TMPRSS12: variants seen among roughly 807,000 people sequenced by gnomAD.
The protein encoded by TMPRSS12 is transmembrane serine protease 12.
In TMPRSS12, 25 loss-of-function variants were observed where a neutral mutation model predicts 26.0. The observed-to-expected ratio is 0.96, with a 90% CI of 0.70 to 1.34. TMPRSS12 has a LOEUF of 1.34. Among genes scored for constraint, TMPRSS12 ranks in the 40% most tolerant of loss-of-function variants. TMPRSS12 has a pLI of 0.00. For missense variants in TMPRSS12, 441 were observed against 440.1 expected, an observed-to-expected ratio of 1.00 and a Z score of -0.02; for synonymous variants, 150 against 161.7, an observed-to-expected ratio of 0.93 and a Z score of 0.55.
At chr12:50,885,149 C>T in intron 3 of TMPRSS12, 97 bp from the exon 4 acceptor site, 1 of 1,054,188 alleles carries the variant, frequency 9.5e-7, no homozygotes, top group Non-Finnish European at 1.4e-6. Flanking sequence ...ATAATTATTG[C>T]ATCAGTCACT....
At chr12:50,868,965 A>G (rs1399866999) in intron 3 of TMPRSS12, among the ~76,000 whole-genome samples, 1 of 152,156 alleles carries the variant, frequency 6.6e-6, no homozygotes, top group East Asian at 1.9e-4. Flanking sequence ...ATAATGAGGC[A>G]ACCTATCAAA....
At chr12:50,866,684 T>C (rs1182473015) in intron 3 of TMPRSS12, among the ~76,000 whole-genome samples, 1 of 151,978 alleles carries the variant, frequency 6.6e-6, no homozygotes, top group Non-Finnish European at 1.5e-5. Context: ...AGCACAAAAA[T>C]AGGACATTAA....
chr12:50,878,854 C>T (rs78649813), intron 3 of TMPRSS12, among the ~76,000 whole-genome samples: 2,424 of 152,242 alleles, frequency 0.016, 35 homozygotes, highest in Non-Finnish European at 0.026. Context: ...ATCCTCACTC[C>T]CAAGGTATGA....
chr12:50,884,291 C>T (rs1300223785), intron 3 of TMPRSS12, among the ~76,000 whole-genome samples: 1 of 152,108 alleles, frequency 6.6e-6, no homozygotes, highest in African/African-American at 2.4e-5. Flanking sequence ...GAAGAAGGTA[C>T]ACACACAACT....
chr12:50,859,791 G>A (rs1937917963), intron 3 of TMPRSS12, among the ~76,000 whole-genome samples: 1 of 152,186 alleles, frequency 6.6e-6, no homozygotes, highest in African/African-American at 2.4e-5. Context: ...GTGTGCAGCA[G>A]ACTATACCAT....
chr12:50,856,725 G>C (rs1332477436), intron 2 of TMPRSS12, among the ~76,000 whole-genome samples: 1 of 152,022 alleles, frequency 6.6e-6, no homozygotes, highest in Non-Finnish European at 1.5e-5. Flanking sequence ...TCACTCTGTT[G>C]CTCAGGCTTG....
chr12:50,842,979 C>T lies in TMPRSS12; in HGVS notation c.15C>T (p.Leu5=), dbSNP rs773415446. MRLG[L]LSVALLFVGS... ...CAGCCTCCAAAATGCGGCTGGGGCT[C>T]CTGAGCGTGGCGCTGTTGTTTGTGG... The change falls in exon 1 of 5, where the codon CTC becomes CTT. Residue 5 remains leucine (L), a synonymous_variant. Coordinates refer to ENST00000398458, the MANE Select transcript of TMPRSS12 (RefSeq NM_182559.3). 41 of 1,591,862 alleles carry T rather than the reference C, an allele frequency of 2.6e-5. No individual in the cohort carries two copies. Among genetic ancestry groups the T allele is most frequent in the Non-Finnish European group, 3.4e-5 (40 of 1,168,502 alleles).
chr12:50,846,157 AT>A (rs967766626), intron 2 of TMPRSS12, among the ~76,000 whole-genome samples: 17 of 152,042 alleles, frequency 1.1e-4, no homozygotes, highest in African/African-American at 3.9e-4. Flanking sequence ...AAATTTATCT[AT>A]TTTTTTTCTT....
chr12:50,847,656 G>A (rs973288468), intron 2 of TMPRSS12, among the ~76,000 whole-genome samples: 8 of 151,944 alleles, frequency 5.3e-5, no homozygotes, highest in Non-Finnish European at 1.0e-4. Context: ...AGCACTTTGG[G>A]AGGCTGAGGC....
chr12:50,883,257 G>C (rs1791601169), intron 3 of TMPRSS12, among the ~76,000 whole-genome samples: 1 of 152,212 alleles, frequency 6.6e-6, no homozygotes, highest in Non-Finnish European at 1.5e-5. Flanking sequence ...CATGAGCCCA[G>C]GAGGTTGAGG....
chr12:50,848,514 G>A (rs1221088396), intron 2 of TMPRSS12, among the ~76,000 whole-genome samples: 1 of 152,108 alleles, frequency 6.6e-6, no homozygotes, highest in Non-Finnish European at 1.5e-5. Flanking sequence ...TTTGTTTTTT[G>A]TCTGCCCTTT....
At chr12:50,882,291 A>ACT (rs1938183394) in intron 3 of TMPRSS12, among the ~76,000 whole-genome samples, 9 of 128,828 alleles carry the variant, frequency 7.0e-5, no homozygotes, top group Admixed American at 5.2e-4. Flanking sequence ...CTCTCTAAAA[A>ACT]AAAAAAAAAA....
chr12:50,843,880 T>G lies in TMPRSS12; in HGVS notation c.226T>G (p.Ser76Ala). The change falls in exon 2 of 5, where the codon TCT becomes GCT. Residue 76 changes from serine to alanine, a missense_variant. Ser to Ala is a moderately conservative substitution (Grantham distance 99). Coordinates refer to ENST00000398458, the MANE Select transcript of TMPRSS12 (RefSeq NM_182559.3). ...TAPLKDVLQG[S>A]RIIGGTEAQA... is the part of the protein sequence containing the mutation. ...ACCGCTTAAGGATGTGTTGCAAGGG[T>G]CTCGGATTATAGGGGGCACCGAAGC... 1.3e-6 allele frequency: 2 copies of G among 1,563,960 alleles called. No individual in the cohort carries two copies. The highest frequency in any genetic ancestry group is 1.7e-6 in the Non-Finnish European group (2 of 1,154,000).
At chr12:50,862,243 C>A (rs756454550) in intron 3 of TMPRSS12, among the ~76,000 whole-genome samples, 14 of 152,084 alleles carry the variant, frequency 9.2e-5, no homozygotes, top group Non-Finnish European at 1.6e-4. Context: ...ATACCAAGCT[C>A]CCCACTGAAA....
chr12:50,848,800 A>G (rs967131015), intron 2 of TMPRSS12, among the ~76,000 whole-genome samples: 1 of 152,238 alleles, frequency 6.6e-6, no homozygotes, highest in African/African-American at 2.4e-5. Flanking sequence ...CACCTTGACA[A>G]CAGAGTGGGC....
intron 3 of TMPRSS12, among the ~76,000 whole-genome samples, chr12:50,862,871 TA>T (rs1172986728): frequency 4.0e-4 from 58 of 144,938 alleles, no homozygotes; most frequent in Admixed American, 7.6e-4. Context: ...CTAGGTAGGT[TA>T]AAAAAAAAAG....
intron 3 of TMPRSS12, among the ~76,000 whole-genome samples, chr12:50,877,605 T>G (rs1205789043): frequency 3.3e-5 from 5 of 152,202 alleles, no homozygotes; most frequent in Admixed American, 3.3e-4. Flanking sequence ...CGTTTATTTA[T>G]TTATTTTTAT....
chr12:50,854,002 A>C (rs1396060534), intron 2 of TMPRSS12, among the ~76,000 whole-genome samples: 1 of 152,078 alleles, frequency 6.6e-6, no homozygotes, highest in East Asian at 1.9e-4. Flanking sequence ...TGATAACTGA[A>C]ACCTGCCAGA....
intron 3 of TMPRSS12, 132 bp from the exon 4 acceptor site, chr12:50,885,114 C>A: frequency 1.4e-6 from 1 of 730,264 alleles, no homozygotes; most frequent in Non-Finnish European, 2.2e-6. Flanking sequence ...CATATTCATA[C>A]ACATATATAT....
Sources: allele counts gnomAD v4.1 joint callset (sites outside exome capture counted in the v4.1 genomes callset), GRCh38; gene constraint gnomAD v4.1.1; transcripts MANE v1.5; gene names NCBI Gene and HGNC (gene_info 2026-07-23, HGNC 2026-07-21).